Variants in FOXJ3 observed in about 807,000 individuals in gnomAD.
FOXJ3 encodes forkhead box protein J3.
In FOXJ3, 22 loss-of-function variants were observed where a neutral mutation model predicts 76.1. That is an observed-to-expected ratio of 0.29 (90% CI 0.21 to 0.41). The LOEUF (loss-of-function observed/expected upper bound fraction) is 0.41, where lower values mean the gene tolerates loss of function less well. Among genes scored for constraint, FOXJ3 ranks in the 10% least tolerant of loss-of-function variants. The probability of loss-of-function intolerance (pLI) is 1.00; values close to 1 mark genes in which losing one functional copy is unlikely to be tolerated. For missense variants in FOXJ3, 613 were observed against 762.1 expected (o/e 0.80, Z 2.30); for synonymous variants, 269 against 261.2 (o/e 1.03, Z -0.29).
chr1:42,215,979 C>A (rs370344243), intron 5 of FOXJ3, among the ~76,000 whole-genome samples: 5 of 151,818 alleles, frequency 3.3e-5, no homozygotes, highest in Admixed American at 2.6e-4. Flanking sequence ...TAGTGAGACA[C>A]CCATCTCTAA....
intron 1 of FOXJ3, among the ~76,000 whole-genome samples, chr1:42,328,345 A>G (rs757606188): frequency 3.3e-5 from 5 of 152,208 alleles, no homozygotes; most frequent in Non-Finnish European, 7.3e-5. Context: ...TCAAATTATT[A>G]GCGTTCAATT....
At chr1:42,197,619 A>G (rs921342584) in intron 7 of FOXJ3, among the ~76,000 whole-genome samples, 2 of 151,992 alleles carry the variant, frequency 1.3e-5, no homozygotes, top group African/African-American at 4.8e-5. Context: ...TCACCTCTAG[A>G]TGATTAATAC....
At chr1:42,327,811 A>G (rs964329818) in intron 1 of FOXJ3, among the ~76,000 whole-genome samples, 6 of 152,212 alleles carry the variant, frequency 3.9e-5, no homozygotes, top group African/African-American at 1.4e-4. Flanking sequence ...ACCACTGAGG[A>G]GGACTCTAGG....
chr1:42,250,233 T>C (rs1415082858), intron 4 of FOXJ3, among the ~76,000 whole-genome samples: 2 of 152,194 alleles, frequency 1.3e-5, no homozygotes, highest in East Asian at 1.9e-4. Context: ...TCTCAACTCT[T>C]CTAATTATTT....
chr1:42,255,425 T>A (rs937927095), intron 4 of FOXJ3, among the ~76,000 whole-genome samples: 2 of 152,128 alleles, frequency 1.3e-5, no homozygotes, highest in Admixed American at 1.3e-4. Flanking sequence ...AACTATCTGA[T>A]TAACCCCAAA....
intron 4 of FOXJ3, among the ~76,000 whole-genome samples, chr1:42,258,914 T>C (rs893598064): frequency 6.6e-6 from 1 of 152,208 alleles, no homozygotes; most frequent in Non-Finnish European, 1.5e-5. Context: ...TTGACTATTA[T>C]GTTACTACTT....
At chr1:42,199,039 GT>G in intron 7 of FOXJ3, 62 bp downstream of exon 7, 1 of 1,299,506 alleles carries the variant, frequency 7.7e-7, no homozygotes, top group Non-Finnish European at 1.1e-6. Context: ...TTTCAATTAT[GT>G]TTGGTTTAGT....
At chr1:42,262,725 G>A (rs889962383) in intron 4 of FOXJ3, among the ~76,000 whole-genome samples, 47 of 152,042 alleles carry the variant, frequency 3.1e-4, no homozygotes, top group African/African-American at 8.7e-4. Context: ...GATGTACACC[G>A]GTAGTCCCAG....
At chr1:42,190,280 C>T (rs1206785231) in intron 9 of FOXJ3, among the ~76,000 whole-genome samples, 1 of 152,150 alleles carries the variant, frequency 6.6e-6, no homozygotes, top group African/African-American at 2.4e-5. Context: ...AAGATAAAGA[C>T]CAATAAAAAG....
At chr1:42,322,113 T>C (rs1317882465) in intron 1 of FOXJ3, among the ~76,000 whole-genome samples, 3 of 151,922 alleles carry the variant, frequency 2.0e-5, no homozygotes, top group Admixed American at 1.3e-4. Context: ...TTGGTACAGA[T>C]AGAGACGTGA....
At chr1:42,248,768 T>A (rs1649769513) in intron 4 of FOXJ3, among the ~76,000 whole-genome samples, 1 of 129,756 alleles carries the variant, frequency 7.7e-6, no homozygotes, top group South Asian at 2.6e-4. Context: ...AGTTCCAGGA[T>A]ACAAGTGCAG....
intron 11 of FOXJ3, among the ~76,000 whole-genome samples, chr1:42,187,391 G>C (rs1355865693): frequency 6.6e-6 from 1 of 152,180 alleles, no homozygotes; most frequent in Non-Finnish European, 1.5e-5. Flanking sequence ...AGAAAGAAAA[G>C]AGGAAAGGAG....
intron 2 of FOXJ3, among the ~76,000 whole-genome samples, chr1:42,291,487 A>G (rs774205525): frequency 8.5e-5 from 13 of 152,206 alleles, no homozygotes; most frequent in African/African-American, 1.4e-4. Context: ...TGCAAAGCAT[A>G]TATCTTAAAA....
rs201187708 is a variant in FOXJ3, at chr1:42,258,682, T to C, written c.444+6433A>G. ...ACTCTTAATGGATTAAAATATGTAA[T>C]TGGCATATTGACTGTGGTATAGTAA... On this transcript the variant is annotated intron_variant, in intron 4 of 12. Transcript: ENST00000361346. Among the ~76,000 whole-genome samples the C allele has an allele frequency of 2.0e-4, 30 of 152,342 alleles. No homozygotes were observed. The East Asian group carries it at 4.8e-3, about 24-fold the overall frequency.
chr1:42,203,736 C>G (rs920000752), intron 6 of FOXJ3, among the ~76,000 whole-genome samples: 2 of 152,144 alleles, frequency 1.3e-5, no homozygotes, highest in African/African-American at 2.4e-5. Flanking sequence ...TGGCTCACAC[C>G]TGTAATCCCA....
At chr1:42,192,450 A>C (rs1399537295) in intron 8 of FOXJ3, among the ~76,000 whole-genome samples, 2 of 152,248 alleles carry the variant, frequency 1.3e-5, no homozygotes, top group African/African-American at 4.8e-5. Context: ...AAAGGAAGTT[A>C]GTTTTTAAAA....
chr1:42,189,781 G>C (rs1646507416), intron 9 of FOXJ3: 1 of 164,250 alleles, frequency 6.1e-6, no homozygotes, highest in East Asian at 1.8e-4. Context: ...TGAACAGATA[G>C]GAAATGCCAC....
chr1:42,222,532 A>T (rs1028356725), intron 5 of FOXJ3, among the ~76,000 whole-genome samples: 3 of 152,150 alleles, frequency 2.0e-5, no homozygotes, highest in Admixed American at 2.0e-4. Context: ...TTGTTTACCA[A>T]CTGTTCCCTC....
intron 1 of FOXJ3, among the ~76,000 whole-genome samples, chr1:42,332,137 T>C (rs542582799): frequency 6.6e-6 from 1 of 152,350 alleles, no homozygotes; most frequent in Admixed American, 6.5e-5. Context: ...AAAATCTTCC[T>C]ATCCTGGAAA....
Sources: gnomAD v4.1 joint callset for allele counts (sites outside exome capture counted in the v4.1 genomes callset) on GRCh38, gnomAD v4.1.1 for gene constraint, MANE v1.5 for transcripts, NCBI Gene and HGNC (gene_info 2026-07-23, HGNC 2026-07-21) for gene names.